GABRB1: variants seen among roughly 807,000 people sequenced by gnomAD.
The protein encoded by GABRB1 is gamma-aminobutyric acid type A receptor subunit beta1, also known as gamma-aminobutyric acid receptor subunit beta-1.
In GABRB1, 17 loss-of-function variants were observed where a neutral mutation model predicts 51.6. The observed-to-expected ratio is 0.33, with a 90% CI of 0.23 to 0.49. The LOEUF is 0.49. GABRB1 is among the 20% of genes least tolerant of loss of function. The probability of loss-of-function intolerance (pLI) is 0.99; values close to 1 mark genes in which losing one functional copy is unlikely to be tolerated. For missense variants in GABRB1, 410 were observed against 600.6 expected (o/e 0.68, Z 3.32); for synonymous variants, 247 against 218.9 (o/e 1.13, Z -1.14).
At chr4:47,238,532 T>C (rs1721408121) in intron 4 of GABRB1, among the ~76,000 whole-genome samples, 1 of 152,142 alleles carries the variant, frequency 6.6e-6, no homozygotes, top group African/African-American at 2.4e-5. Context: ...CCACAAATAA[T>C]GCCAGCTTTC....
chr4:47,018,220 C>G (rs1215304035), intron 1 of GABRB1, among the ~76,000 whole-genome samples: 1 of 150,844 alleles, frequency 6.6e-6, no homozygotes, highest in Admixed American at 6.6e-5. Flanking sequence ...GAGAGACAGG[C>G]TCTCCATATG....
intron 4 of GABRB1, among the ~76,000 whole-genome samples, chr4:47,232,413 C>T (rs1042833436): frequency 1.6e-4 from 24 of 152,272 alleles, no homozygotes; most frequent in Middle Eastern, 3.4e-3. Flanking sequence ...GCCTGTTCCT[C>T]ATCCTCTGAC....
intron 1 of GABRB1, among the ~76,000 whole-genome samples, chr4:47,002,431 A>G (rs1661177822): frequency 1.3e-5 from 2 of 152,188 alleles, no homozygotes; most frequent in African/African-American, 2.4e-5. Flanking sequence ...CCTCTTTTAA[A>G]TATATTTATA....
chr4:47,377,520 G>C lies in GABRB1; in HGVS notation c.545-25798G>C, dbSNP rs574948230. Among the ~76,000 whole-genome samples the C allele has an allele frequency of 2.0e-5, 3 of 152,136 alleles. No homozygotes were observed. The East Asian group carries it at 5.8e-4, about 29-fold the overall frequency. On this transcript the variant is annotated intron_variant, in intron 5 of 8. Coordinates refer to ENST00000295454, the MANE Select transcript of GABRB1 (RefSeq NM_000812.4). ...AATCCAATGTGGACCCAAAGAATGA[G>C]CAGCAGCAAGATTTATTGCAAAGAG...
chr4:47,312,175 T>C (rs772700586), intron 4 of GABRB1, among the ~76,000 whole-genome samples: 26 of 152,090 alleles, frequency 1.7e-4, no homozygotes, highest in Non-Finnish European at 3.4e-4. Flanking sequence ...AATATCAATA[T>C]GACCGTTCTT....
At position 47,108,955 on chromosome 4, in the gene GABRB1, G is replaced by A. The variant is rs566375449; in HGVS notation, c.241-52294G>A. Among the ~76,000 whole-genome samples, 8 of 152,164 alleles carry A rather than the reference G, an allele frequency of 5.3e-5. No individual in the cohort carries two copies. The East Asian group carries it at 1.4e-3, about 26-fold the overall frequency. On this transcript the variant is annotated intron_variant, in intron 3 of 8. Coordinates refer to ENST00000295454, the MANE Select transcript of GABRB1 (RefSeq NM_000812.4). ...GCTTTTTATAGAAAGTTTGCTTCCC[G>A]AGGTGAAGTGAGTGAGAGAATTACT...
intron 5 of GABRB1, among the ~76,000 whole-genome samples, chr4:47,367,676 C>T (rs576558853): frequency 6.6e-6 from 1 of 152,324 alleles, no homozygotes; most frequent in African/African-American, 2.4e-5. Context: ...CCTTTATCTC[C>T]TCAATGTTCA....
At chr4:47,055,410 G>A (rs1353215609) in intron 3 of GABRB1, among the ~76,000 whole-genome samples, 1 of 152,216 alleles carries the variant, frequency 6.6e-6, no homozygotes, top group Non-Finnish European at 1.5e-5. Flanking sequence ...AAGGAGCTCA[G>A]TAGTGGGCTT....
chr4:47,233,291 A>C (rs1450442879), intron 4 of GABRB1, among the ~76,000 whole-genome samples: 3 of 152,172 alleles, frequency 2.0e-5, no homozygotes, highest in African/African-American at 7.2e-5. Flanking sequence ...AGCTAATTGC[A>C]TCACTCGCTT....
At chr4:47,356,171 G>A (rs1242365585) in intron 5 of GABRB1, among the ~76,000 whole-genome samples, 1 of 152,156 alleles carries the variant, frequency 6.6e-6, no homozygotes. Flanking sequence ...TAAACCCTAA[G>A]ACTAAAGACA....
chr4:47,376,935 TTCTCCTCAG>T (rs1727403871), intron 5 of GABRB1, among the ~76,000 whole-genome samples: 1 of 152,244 alleles, frequency 6.6e-6, no homozygotes, highest in South Asian at 2.1e-4. Flanking sequence ...AATGTTTCTT[TTCTCCTCAG>T]TCTTCCTATA....
intron 4 of GABRB1, among the ~76,000 whole-genome samples, chr4:47,264,543 A>T (rs1722573724): frequency 6.6e-6 from 1 of 152,102 alleles, no homozygotes; most frequent in Non-Finnish European, 1.5e-5. Flanking sequence ...AGAAACTGAA[A>T]CGCTTCACAG....
chr4:47,266,567 T>C (rs1431173657), intron 4 of GABRB1, among the ~76,000 whole-genome samples: 2 of 152,324 alleles, frequency 1.3e-5, no homozygotes, highest in Admixed American at 6.5e-5. Flanking sequence ...GTTGTTTAAT[T>C]TCATATATTG....
At position 47,232,382 on chromosome 4, in the gene GABRB1, TTTC is replaced by T. The variant is rs1173515388; in HGVS notation, c.461+70919_461+70921del. 2.6e-5 allele frequency among the ~76,000 whole-genome samples: 4 copies of T among 152,324 alleles called. No homozygotes were observed. In the East Asian group the frequency reaches 5.8e-4, roughly 22 times the overall value. On this transcript the variant is annotated intron_variant, in intron 4 of 8. Transcript: ENST00000295454. ...TGGCTTTTGAGGTAGAACATTCCTA[TTTC>T]TTCTTTTAATTTTATTTGCCTGTTC...
intron 3 of GABRB1, among the ~76,000 whole-genome samples, chr4:47,156,146 A>G (rs1012107159): frequency 6.6e-5 from 10 of 151,780 alleles, no homozygotes; most frequent in East Asian, 5.8e-4. Context: ...AGGAACTTCC[A>G]TACTGTTTTC....
intron 1 of GABRB1, among the ~76,000 whole-genome samples, chr4:47,026,221 TG>T (rs374219858): frequency 8.4e-4 from 128 of 152,172 alleles, no homozygotes; most frequent in African/African-American, 3.0e-3. Flanking sequence ...ATTGGTGATT[TG>T]GGTGCCCTTG....
intron 3 of GABRB1, among the ~76,000 whole-genome samples, chr4:47,087,280 T>TA (rs56694851): frequency 0.7 from 104,885 of 150,888 alleles, 36,365 homozygotes; most frequent in Middle Eastern, 0.8. Flanking sequence ...GTAGCATTAA[T>TA]TTTTTTTTTT....
intron 3 of GABRB1, among the ~76,000 whole-genome samples, chr4:47,097,594 C>T (rs959730599): frequency 1.3e-5 from 2 of 152,080 alleles, no homozygotes; most frequent in Non-Finnish European, 2.9e-5. Flanking sequence ...AATGTAAGTC[C>T]AACCAGCACA....
At chr4:47,191,944 T>A (rs1266293384) in intron 4 of GABRB1, among the ~76,000 whole-genome samples, 1 of 152,138 alleles carries the variant, frequency 6.6e-6, no homozygotes, top group Non-Finnish European at 1.5e-5. Context: ...GAATACTGAT[T>A]CACAAATGGG....
Sources: gnomAD v4.1 joint callset for allele counts (sites outside exome capture counted in the v4.1 genomes callset) on GRCh38, gnomAD v4.1.1 for gene constraint, MANE v1.5 for transcripts, NCBI Gene and HGNC (gene_info 2026-07-23, HGNC 2026-07-21) for gene names.